The following NUBPL variants were observed in gnomAD, a reference collection of about 807,000 sequenced individuals.
NUBPL encodes the protein iron-sulfur cluster transfer protein NUBPL.
Under a neutral mutation model 45.7 loss-of-function variants are expected in NUBPL, and 31 were observed. The ratio of observed to expected loss-of-function variants is 0.68; its 90% CI spans 0.51 to 0.92. The LOEUF (loss-of-function observed/expected upper bound fraction) is 0.92, where lower values mean the gene tolerates loss of function less well. Ranked by LOEUF, NUBPL falls within the 40% of genes least tolerant of loss-of-function variation. The pLI is 0.00. For synonymous variants in NUBPL, 144 were observed against 140.9 expected, an observed-to-expected ratio of 1.02 and a Z score of -0.15; for missense variants, 401 against 398.7, an observed-to-expected ratio of 1.01 and a Z score of -0.05.
chr14:31,709,285 A>G (rs2037518982), intron 6 of NUBPL, among the ~76,000 whole-genome samples: 1 of 152,222 alleles, frequency 6.6e-6, no homozygotes, highest in Admixed American at 6.5e-5. Flanking sequence ...CGAGGGAGGC[A>G]GAAGGATTTT....
chr14:31,750,343 T>G lies in NUBPL; in HGVS notation c.514-37437T>G, dbSNP rs1595578847. Among the ~76,000 whole-genome samples the G allele has an allele frequency of 2.6e-4, 4 of 15,124 alleles. No homozygotes were observed. In the South Asian group the frequency reaches 0.025, roughly 95 times the overall value. The allele number at this position is 15,124 out of a possible 152,430, so 9.9% of individuals were successfully genotyped here. A position where few individuals can be genotyped will look rare whatever the true frequency, so the allele number is the denominator to read the frequency against. Reference sequence around the variant, plus strand: ...GGCGCCCACCACCACGCCCGGCTAATTTTTTTTTTTTTTTTAATTTTTATT... The same window carrying G: ...GGCGCCCACCACCACGCCCGGCTAAGTTTTTTTTTTTTTTTAATTTTTATT... On this transcript the variant is annotated intron_variant, in intron 6 of 10. Transcript: ENST00000281081.
intron 4 of NUBPL, among the ~76,000 whole-genome samples, chr14:31,663,803 G>A (rs374002780): frequency 1.2e-4 from 19 of 152,250 alleles, no homozygotes; most frequent in African/African-American, 4.6e-4. Context: ...GATGGGAATA[G>A]CATTCAATCT....
intron 7 of NUBPL, among the ~76,000 whole-genome samples, chr14:31,817,206 C>A (rs1218044213): frequency 6.6e-6 from 1 of 152,064 alleles, no homozygotes; most frequent in Non-Finnish European, 1.5e-5. Context: ...ATTGGTGTAC[C>A]TGAAAGTGAC....
At chr14:31,771,222 G>A (rs992623594) in intron 6 of NUBPL, among the ~76,000 whole-genome samples, 1 of 151,956 alleles carries the variant, frequency 6.6e-6, no homozygotes, top group African/African-American at 2.4e-5. Flanking sequence ...TGGTAACTAG[G>A]ATACTTGCTT....
At chr14:31,784,083 G>A (rs1430087065) in intron 6 of NUBPL, among the ~76,000 whole-genome samples, 1 of 152,114 alleles carries the variant, frequency 6.6e-6, no homozygotes, top group Non-Finnish European at 1.5e-5. Flanking sequence ...AACGTGAAAG[G>A]CTAGGAACGG....
rs1425638925 is a variant in NUBPL, at chr14:31,810,867, TC to T, written c.608-15759del. On this transcript the variant is annotated intron_variant, in intron 7 of 10. Coordinates refer to ENST00000281081, the MANE Select transcript of NUBPL (RefSeq NM_025152.3). ...GTCTGTAAAGGATTTTATTTCTCCTTCCCTTATGAAGCTTAGTTTGGCTGGA... is the reference window on the plus strand; with the variant it reads ...GTCTGTAAAGGATTTTATTTCTCCTTCCTTATGAAGCTTAGTTTGGCTGGA... Among the ~76,000 whole-genome samples the T allele has an allele frequency of 2.0e-5, 3 of 152,318 alleles. No individual in the cohort carries two copies. In the East Asian group the frequency reaches 5.8e-4, roughly 29 times the overall value.
chr14:31,568,118 G>T (rs1370477428), intron 3 of NUBPL, among the ~76,000 whole-genome samples: 1 of 152,092 alleles, frequency 6.6e-6, no homozygotes, highest in Non-Finnish European at 1.5e-5. Context: ...TTTTTTCCTA[G>T]TGATTTTAAT....
chr14:31,793,830 T>TTA (rs1555338720), intron 7 of NUBPL, among the ~76,000 whole-genome samples: 1 of 131,632 alleles, frequency 7.6e-6, no homozygotes, highest in African/African-American at 4.0e-5. Flanking sequence ...TTATCTTTCT[T>TTA]TTTTTTTTTT....
At chr14:31,670,019 A>G (rs2036535330) in intron 4 of NUBPL, among the ~76,000 whole-genome samples, 2 of 152,180 alleles carry the variant, frequency 1.3e-5, no homozygotes, top group Admixed American at 6.5e-5. Context: ...GCTGGGTTGC[A>G]TGGTAATTCT....
intron 3 of NUBPL, among the ~76,000 whole-genome samples, chr14:31,586,504 T>C (rs1225925495): frequency 6.6e-6 from 1 of 152,212 alleles, no homozygotes; most frequent in African/African-American, 2.4e-5. Flanking sequence ...AACTAGAAAG[T>C]AGTGCGGTGG....
intron 6 of NUBPL, among the ~76,000 whole-genome samples, chr14:31,780,915 G>A (rs1333912512): frequency 3.9e-5 from 6 of 152,146 alleles, no homozygotes; most frequent in African/African-American, 1.2e-4. Flanking sequence ...ACACAAATAT[G>A]GCTTAAAGGA....
Position 31,860,867 on chromosome 14 carries a change from T to C in NUBPL, c.*1687T>C, listed in dbSNP as rs562152929. The C allele has an allele frequency of 6.6e-6, 1 of 152,266 alleles. No individual in the cohort carries two copies. The highest frequency in any genetic ancestry group is 6.5e-5 in the Admixed American group (1 of 15,284). 9.4% of individuals were successfully genotyped at this position (152,266 alleles called of 1,614,324 possible). ...TATAATTCCAGAGAATTATGCTGAA[T>C]GAAAAAGGCCAATTTAAAAAGGTTT... On this transcript the variant is annotated 3_prime_UTR_variant, in exon 11 of 11. Transcript: ENST00000281081.
At chr14:31,684,426 A>G (rs763818027) in intron 6 of NUBPL, among the ~76,000 whole-genome samples, 2 of 152,034 alleles carry the variant, frequency 1.3e-5, no homozygotes, top group Admixed American at 1.3e-4. Flanking sequence ...AAGGTTTTGT[A>G]TCGTTTTTGC....
At chr14:31,637,406 A>G (rs1435046783) in intron 4 of NUBPL, among the ~76,000 whole-genome samples, 1 of 152,198 alleles carries the variant, frequency 6.6e-6, no homozygotes, top group African/African-American at 2.4e-5. Context: ...GTTTTGAGTG[A>G]GATTCTTAAT....
intron 6 of NUBPL, among the ~76,000 whole-genome samples, chr14:31,701,385 C>A (rs1461271815): frequency 3.3e-5 from 5 of 152,222 alleles, no homozygotes; most frequent in Non-Finnish European, 7.3e-5. Context: ...AATCAGCTGT[C>A]TGTAAAATGG....
intron 6 of NUBPL, among the ~76,000 whole-genome samples, chr14:31,708,145 G>T (rs756097036): frequency 2.0e-5 from 3 of 152,218 alleles, no homozygotes; most frequent in Non-Finnish European, 4.4e-5. Context: ...ATGAGTCTAA[G>T]ATCTTGGACT....
intron 4 of NUBPL, among the ~76,000 whole-genome samples, chr14:31,670,763 TTGAAG>T (rs2036552221): frequency 6.6e-6 from 1 of 152,214 alleles, no homozygotes; most frequent in Admixed American, 6.5e-5. Context: ...GTCAGCTTTA[TTGAAG>T]ATCAGATGGT....
Position 31,817,432 on chromosome 14 carries a change from G to T in NUBPL, c.608-9197G>T, listed in dbSNP as rs1018766608. On this transcript the variant is annotated intron_variant, in intron 7 of 10. Transcript: ENST00000281081. Reference sequence around the variant, plus strand: ...AATGTTAAGGGCAGCCAGAGAGAAAGGTCGGGTTACCCACAAAGGGAAGCC... The same window carrying T: ...AATGTTAAGGGCAGCCAGAGAGAAATGTCGGGTTACCCACAAAGGGAAGCC... 3.3e-5 allele frequency among the ~76,000 whole-genome samples: 5 copies of T among 152,146 alleles called. No individual in the cohort carries two copies. The South Asian group carries it at 6.2e-4, about 19-fold the overall frequency.
At chr14:31,810,417 T>G (rs1351584099) in intron 7 of NUBPL, among the ~76,000 whole-genome samples, 1 of 152,222 alleles carries the variant, frequency 6.6e-6, no homozygotes, top group African/African-American at 2.4e-5. Context: ...AAAGTCTGTT[T>G]TATCAGAGTC....
Sources: gnomAD v4.1 joint callset for allele counts (sites outside exome capture counted in the v4.1 genomes callset) on GRCh38, gnomAD v4.1.1 for gene constraint, MANE v1.5 for transcripts, NCBI Gene and HGNC (gene_info 2026-07-23, HGNC 2026-07-21) for gene names.